KCNIP4: variants seen among roughly 807,000 people sequenced by gnomAD.
KCNIP4 encodes Kv channel-interacting protein 4.
A neutral mutation model predicts 34.0 loss-of-function variants in KCNIP4; 12 were observed. The observed-to-expected ratio is 0.35, with a 90% confidence interval of 0.23 to 0.57. The LOEUF (loss-of-function observed/expected upper bound fraction) is 0.57. Among genes scored for constraint, KCNIP4 ranks in the 20% least tolerant of loss-of-function variants. The pLI is 0.83. For synonymous variants in KCNIP4, 124 were observed against 102.2 expected (o/e 1.21, Z -1.29); for missense variants, 238 against 311.7 (o/e 0.76, Z 1.78).
intron 1 of KCNIP4, among the ~76,000 whole-genome samples, chr4:21,281,622 T>C (rs1162627143): frequency 1.3e-5 from 2 of 152,184 alleles, no homozygotes; most frequent in African/African-American, 2.4e-5. Flanking sequence ...CTAACTGATA[T>C]TCTAAGTAGT....
intron 1 of KCNIP4, among the ~76,000 whole-genome samples, chr4:21,083,184 C>T (rs1004632018): frequency 6.6e-6 from 1 of 151,734 alleles, no homozygotes; most frequent in Non-Finnish European, 1.5e-5. Flanking sequence ...GAAGACTCTT[C>T]TTTGGCTAAT....
chr4:21,307,948 A>G (rs559597324), intron 1 of KCNIP4, among the ~76,000 whole-genome samples: 96 of 152,320 alleles, frequency 6.3e-4, no homozygotes, highest in African/African-American at 2.2e-3. Context: ...AAAATATCTT[A>G]AAATCACTGG....
At chr4:21,731,239 ATCT>A (rs1333112765) in intron 1 of KCNIP4, among the ~76,000 whole-genome samples, 5 of 152,114 alleles carry the variant, frequency 3.3e-5, no homozygotes, top group East Asian at 1.9e-4. Flanking sequence ...ACTGGTAGAA[ATCT>A]TCTTTCTCAT....
chr4:21,269,622 T>C (rs1762019727), intron 1 of KCNIP4, among the ~76,000 whole-genome samples: 1 of 152,136 alleles, frequency 6.6e-6, no homozygotes, highest in Non-Finnish European at 1.5e-5. Context: ...CTCCAACTCC[T>C]GAGCTCAAGC....
At chr4:21,578,727 C>T (rs952644028) in intron 1 of KCNIP4, among the ~76,000 whole-genome samples, 1 of 152,064 alleles carries the variant, frequency 6.6e-6, no homozygotes, top group Non-Finnish European at 1.5e-5. Context: ...TTTCTTCTAC[C>T]TCTTGGCAAC....
chr4:21,867,188 C>T (rs1345839330), intron 1 of KCNIP4, among the ~76,000 whole-genome samples: 2 of 152,126 alleles, frequency 1.3e-5, no homozygotes, highest in East Asian at 3.9e-4. Flanking sequence ...CCAAGATCTG[C>T]CTCCATGACA....
intron 1 of KCNIP4, among the ~76,000 whole-genome samples, chr4:21,522,525 T>C (rs1256198037): frequency 6.6e-6 from 1 of 151,962 alleles, no homozygotes; most frequent in African/African-American, 2.4e-5. Context: ...CACACACAGC[T>C]TACAGTATAT....
At chr4:21,414,591 C>G (rs989253524) in intron 1 of KCNIP4, among the ~76,000 whole-genome samples, 1 of 152,006 alleles carries the variant, frequency 6.6e-6, no homozygotes, top group Non-Finnish European at 1.5e-5. Flanking sequence ...GGTATTTATC[C>G]AAAATAATTG....
rs1035667763 is a variant in KCNIP4, at chr4:20,833,202, A to C, written c.288+17341T>G. 3.9e-5 allele frequency among the ~76,000 whole-genome samples: 6 copies of C among 152,232 alleles called. No homozygotes were observed. The East Asian group carries it at 9.6e-4, about 24-fold the overall frequency. On this transcript the variant is annotated intron_variant, in intron 3 of 8. Transcript: ENST00000382152. ...TAACGTGCGGTGCACATTAGACATC[A>C]AACTTTGTTAACATATTAATAATAT... is the stretch of plus-strand genomic sequence containing the variant.
At chr4:21,510,078 CAAAAAA>C (rs759477091) in intron 1 of KCNIP4, among the ~76,000 whole-genome samples, 1 of 65,222 alleles carries the variant, frequency 1.5e-5, no homozygotes, top group Non-Finnish European at 3.0e-5. Flanking sequence ...ACTCCATCTC[CAAAAAA>C]AAAAAAAAAA....
chr4:20,771,627 C>T (rs1218128908), intron 3 of KCNIP4, among the ~76,000 whole-genome samples: 1 of 151,784 alleles, frequency 6.6e-6, no homozygotes, highest in Non-Finnish European at 1.5e-5. Flanking sequence ...AAAGTCTATC[C>T]AAAGACACTT....
At position 21,672,751 on chromosome 4, in the gene KCNIP4, A is replaced by C. The variant is rs574116909; in HGVS notation, c.61+275820T>G. Among the ~76,000 whole-genome samples the C allele has an allele frequency of 3.3e-5, 5 of 152,344 alleles. No individual in the cohort carries two copies. In the South Asian group the frequency reaches 1.0e-3, roughly 32 times the overall value. Reference sequence around the variant, plus strand: ...TTAAAACAGCAAACATTGATCTCACAGTTCTTGTGGGTCAGGACTTTGCGA... The same window carrying C: ...TTAAAACAGCAAACATTGATCTCACCGTTCTTGTGGGTCAGGACTTTGCGA... On this transcript the variant is annotated intron_variant, in intron 1 of 8. Transcript: ENST00000382152.
At chr4:21,305,099 A>T (rs953719741) in intron 1 of KCNIP4, among the ~76,000 whole-genome samples, 1 of 152,184 alleles carries the variant, frequency 6.6e-6, no homozygotes, top group African/African-American at 2.4e-5. Context: ...ATTTAAAAAA[A>T]CTACAAGAGA....
intron 1 of KCNIP4, among the ~76,000 whole-genome samples, chr4:21,343,584 A>G (rs1716974788): frequency 6.6e-6 from 1 of 152,100 alleles, no homozygotes; most frequent in South Asian, 2.1e-4. Context: ...CTTGTCTATG[A>G]AAGTCTTTAC....
chr4:20,895,889 T>G lies in KCNIP4; in HGVS notation c.62-13180A>C, dbSNP rs142137006. Among the ~76,000 whole-genome samples the G allele has an allele frequency of 6.2e-4, 94 of 152,312 alleles. No homozygotes were observed. In the East Asian group the frequency reaches 0.018, roughly 29 times the overall value. On this transcript the variant is annotated intron_variant, in intron 1 of 8. Transcript: ENST00000382152. ...AAACCTGAGAACCACTGTTCTGCTT[T>G]GGGAAAATATGATGCCAGATAGGTT...
At chr4:21,623,070 C>T (rs1745095551) in intron 1 of KCNIP4, among the ~76,000 whole-genome samples, 1 of 152,144 alleles carries the variant, frequency 6.6e-6, no homozygotes. Flanking sequence ...CAGCAAATGT[C>T]CTTGTGTTCA....
At chr4:20,827,695 T>C (rs967796188) in intron 3 of KCNIP4, among the ~76,000 whole-genome samples, 1 of 151,920 alleles carries the variant, frequency 6.6e-6, no homozygotes, top group Non-Finnish European at 1.5e-5. Flanking sequence ...TTTTCTCACA[T>C]AATCATCCTT....
At chr4:21,091,902 G>C (rs1747029613) in intron 1 of KCNIP4, among the ~76,000 whole-genome samples, 1 of 152,080 alleles carries the variant, frequency 6.6e-6, no homozygotes, top group African/African-American at 2.4e-5. Flanking sequence ...CGCATTTTGA[G>C]GGGAAACCAA....
chr4:20,864,517 A>G (rs1262827766), intron 2 of KCNIP4, among the ~76,000 whole-genome samples: 2 of 152,012 alleles, frequency 1.3e-5, no homozygotes, highest in Non-Finnish European at 2.9e-5. Flanking sequence ...GCTCATGGTC[A>G]CACCATAACA....
Sources: allele counts gnomAD v4.1 joint callset (sites outside exome capture counted in the v4.1 genomes callset), GRCh38; gene constraint gnomAD v4.1.1; transcripts MANE v1.5; gene names NCBI Gene and HGNC (gene_info 2026-07-23, HGNC 2026-07-21).